Variants in CYTH4 observed in about 807,000 individuals in gnomAD.
CYTH4 encodes the protein cytohesin 4, also known as cytohesin-4.
CYTH4 carries 22 observed loss-of-function variants against 57.5 expected under a neutral mutation model. The ratio of observed to expected loss-of-function variants is 0.38; its 90% CI spans 0.27 to 0.55. The LOEUF is 0.55. CYTH4 is among the 20% of genes least tolerant of loss of function. The pLI is 0.74. For missense variants in CYTH4, 420 were observed against 535.6 expected (o/e 0.78, Z 2.13); for synonymous variants, 186 against 206.5 (o/e 0.90, Z 0.85).
At chr22:37,294,498 C>T (rs1434438788) in intron 2 of CYTH4, among the ~76,000 whole-genome samples, 162 bp from the exon 3 acceptor site, 1 of 151,980 alleles carries the variant, frequency 6.6e-6, no homozygotes, top group Non-Finnish European at 1.5e-5. Flanking sequence ...GGGGACCTGT[C>T]CATGGAGGGT....
rs1006426304 is a variant in CYTH4 at position 37,311,285 on chromosome 22, C to A, written c.886-171C>A. On this transcript the variant is annotated intron_variant, in intron 10 of 12. Coordinates refer to ENST00000248901, the MANE Select transcript of CYTH4 (RefSeq NM_013385.5). The surrounding 1 kb of genome is among the most constrained non-coding windows in gnomAD (Gnocchi z 4.4). ...GCTTAAAGCTGGGCCTCCTAAGTTC[C>A]GGCCAGAGGTCTTCACATGCTGCTT... is the stretch of plus-strand genomic sequence containing the variant. 1.3e-4 allele frequency among the ~76,000 whole-genome samples: 20 copies of A among 152,234 alleles called. No individual in the cohort carries two copies. The highest frequency in any genetic ancestry group is 4.8e-4 in the African/African-American group (20 of 41,468).
intron 1 of CYTH4, among the ~76,000 whole-genome samples, chr22:37,283,352 AG>A (rs957865361): frequency 2.0e-5 from 3 of 152,174 alleles, no homozygotes; most frequent in Non-Finnish European, 4.4e-5. Flanking sequence ...GGCCCGGTAG[AG>A]GGGCCAAGTT....
At chr22:37,292,386 A>C in intron 1 of CYTH4, 1 of 513,984 alleles carries the variant, frequency 1.9e-6, no homozygotes. Context: ...GCAAGGAAAC[A>C]GGATCCTTTT....
rs1014845911 is a variant in CYTH4 at position 37,292,852 on chromosome 22, G to A, written c.102+149G>A. 6 of 718,164 alleles carry A rather than the reference G, an allele frequency of 8.4e-6. No homozygotes were observed. In the East Asian group the frequency reaches 1.8e-4, roughly 21 times the overall value. The allele number at this position is 718,164 out of a possible 1,614,324, so 44.5% of individuals were successfully genotyped here. ...CCTCGGCCCCAGCCCCAGGAGCAGG[G>A]AGAACAACAAGACTGCAGACACCCC... On this transcript the variant is annotated intron_variant, in intron 2 of 12. Coordinates refer to ENST00000248901, the MANE Select transcript of CYTH4 (RefSeq NM_013385.5).
intron 2 of CYTH4, among the ~76,000 whole-genome samples, chr22:37,293,475 C>T (rs1231833406): frequency 6.6e-6 from 1 of 152,250 alleles, no homozygotes; most frequent in African/African-American, 2.4e-5. Context: ...CATCCCCAGC[C>T]CGCTGGGTGC....
chr22:37,309,191 C>T (rs1231640041), intron 8 of CYTH4, 21 bp from the exon 9 acceptor site: 2 of 1,611,916 alleles, frequency 1.2e-6, no homozygotes, highest in Non-Finnish European at 1.7e-6. Flanking sequence ...CCAGGTCTTT[C>T]TCTCCCTTGT....
At chr22:37,312,310 C>T in intron 12 of CYTH4, 136 bp downstream of exon 12, 1 of 1,255,126 alleles carries the variant, frequency 8.0e-7, no homozygotes, top group Non-Finnish European at 1.1e-6. Context: ...AAACCCCTTC[C>T]ACCCGTATTC....
chr22:37,302,732 A>G (rs1929226164), intron 7 of CYTH4, among the ~76,000 whole-genome samples: 1 of 152,164 alleles, frequency 6.6e-6, no homozygotes, highest in Non-Finnish European at 1.5e-5. Flanking sequence ...CTCCCTCCCC[A>G]GCCATCAGCC....
chr22:37,311,589 G>C lies in CYTH4; in HGVS notation c.957+62G>C. The C allele has an allele frequency of 4.6e-6, 7 of 1,527,800 alleles. No homozygotes were observed. The highest frequency in any genetic ancestry group is 6.3e-6 in the Non-Finnish European group (7 of 1,104,782). The allele number at this position is 1,527,800 out of a possible 1,614,324, so 94.6% of individuals were successfully genotyped here. A position where few individuals can be genotyped will look rare whatever the true frequency, so the allele number is the denominator to read the frequency against. On this transcript the variant is annotated intron_variant, in intron 11 of 12. Coordinates refer to ENST00000248901, the MANE Select transcript of CYTH4 (RefSeq NM_013385.5). This position sits in a 1 kb window ranked among gnomAD's most constrained non-coding sequence, Gnocchi z 4.4. ...CACTGGGAAATTTCCTAAACAGAAC[G>C]TGGGGAGAGGGCCTGAGGCTGGGCT...
chr22:37,287,800 G>C (rs1317665569), intron 1 of CYTH4, among the ~76,000 whole-genome samples: 1 of 152,234 alleles, frequency 6.6e-6, no homozygotes, highest in African/African-American at 2.4e-5. Flanking sequence ...CTAAGCCTCA[G>C]TGTCTCAAAC....
At chr22:37,302,867 GTTC>G (rs1232588660) in intron 7 of CYTH4, among the ~76,000 whole-genome samples, 1 of 152,164 alleles carries the variant, frequency 6.6e-6, no homozygotes, top group Non-Finnish European at 1.5e-5. Context: ...AACAATGAGT[GTTC>G]TTCTCCGAGT....
chr22:37,285,734 A>C lies in CYTH4; in HGVS notation c.19+3146A>C, dbSNP rs546652957. On this transcript the variant is annotated intron_variant, in intron 1 of 12. Transcript: ENST00000248901. ...TCAAACAAACAAACAAACAAACAAA[A>C]AAACATATCCCATGAGCCTACACCG... Among the ~76,000 whole-genome samples the C allele has an allele frequency of 1.9e-4, 29 of 150,844 alleles. 1 individual carries two copies. Among genetic ancestry groups the C allele is most frequent in the Admixed American group, 9.8e-4 (15 of 15,252 alleles).
intron 4 of CYTH4, among the ~76,000 whole-genome samples, chr22:37,297,158 A>G (rs1929004393): frequency 1.3e-5 from 2 of 152,180 alleles, no homozygotes; most frequent in Admixed American, 1.3e-4. Context: ...TACAATAGAC[A>G]TAGATTACTT....
At position 37,314,315 on chromosome 22, in the gene CYTH4, C is replaced by T. The variant is rs1409765080; in HGVS notation, c.*804C>T. 1 of 398,624 alleles carries T rather than the reference C, an allele frequency of 2.5e-6. No homozygotes were observed. The highest frequency in any genetic ancestry group is 4.4e-5 in the Admixed American group (1 of 22,724). 24.7% of individuals were successfully genotyped at this position (398,624 alleles called of 1,614,324 possible). A position where few individuals can be genotyped will look rare whatever the true frequency, so the allele number is the denominator to read the frequency against. ...GCTGGGGAGAGAAAAGCAGTATAGA[C>T]TCCACCTTCCAGGATGTCCATTTCG... is the stretch of plus-strand genomic sequence containing the variant. On this transcript the variant is annotated 3_prime_UTR_variant, in exon 13 of 13. Transcript: ENST00000248901.
Position 37,295,884 on chromosome 22 carries a change from A to T in CYTH4, c.168-115A>T. 9.1e-7 allele frequency: 1 copy of T among 1,102,232 alleles called. No homozygotes were observed. The highest frequency in any genetic ancestry group is 2.6e-5 in the East Asian group (1 of 38,574). The allele number at this position is 1,102,232 out of a possible 1,614,324, so 68.3% of individuals were successfully genotyped here. Reference sequence around the variant, plus strand: ...GGTTCCCATGCAGGACCCGGAGGCCACACTTGGAGGGCCCTAGAGGGGTAT... The same window carrying T: ...GGTTCCCATGCAGGACCCGGAGGCCTCACTTGGAGGGCCCTAGAGGGGTAT... On this transcript the variant is annotated intron_variant, in intron 3 of 12. Coordinates refer to ENST00000248901, the MANE Select transcript of CYTH4 (RefSeq NM_013385.5). This position sits in a 1 kb window ranked among gnomAD's most constrained non-coding sequence, Gnocchi z 4.1.
At position 37,304,173 on chromosome 22, in the gene CYTH4, T is replaced by A. The variant is rs1308254325; in HGVS notation, c.696+771T>A. On this transcript the variant is annotated intron_variant, in intron 8 of 12. Transcript: ENST00000248901. ...TGACTTCTGAACTGGGCCTTGAAGG[T>A]TACATGGGAGTGCTCCCAGAGGAGA... is the stretch of plus-strand genomic sequence containing the variant. The A allele has an allele frequency of 1.5e-5, 7 of 456,650 alleles. No individual in the cohort carries two copies. The Admixed American group carries it at 1.6e-4, about 11-fold the overall frequency. The allele number at this position is 456,650 out of a possible 1,614,324, so 28.3% of individuals were successfully genotyped here.
chr22:37,311,382 C>A lies in CYTH4; in HGVS notation c.886-74C>A. 1 of 1,340,614 alleles carries A rather than the reference C, an allele frequency of 7.5e-7. No individual in the cohort carries two copies. Among genetic ancestry groups the A allele is most frequent in the Non-Finnish European group, 1.1e-6 (1 of 934,316 alleles). 83.0% of individuals were successfully genotyped at this position (1,340,614 alleles called of 1,614,324 possible). On this transcript the variant is annotated intron_variant, in intron 10 of 12. Transcript: ENST00000248901. This position sits in a 1 kb window ranked among gnomAD's most constrained non-coding sequence, Gnocchi z 4.4. The stretch of plus-strand genomic sequence containing the variant: ...GCTCCTCTTTGAGTTTGGGGAACCC[C>A]ACACGTTCACACCCTGCCTTGGGCC...
Position 37,311,177 on chromosome 22 carries a change from C to A in CYTH4, c.885+113C>A. ...CAGCTTTGGATCCTTTGAGATCATT[C>A]AGTCCCCCTCCATGCCCATTTTACA... On this transcript the variant is annotated intron_variant, in intron 10 of 12. Transcript: ENST00000248901. The surrounding 1 kb of genome is among the most constrained non-coding windows in gnomAD (Gnocchi z 4.4). The A allele has an allele frequency of 8.2e-7, 1 of 1,220,116 alleles. No individual in the cohort carries two copies. Among genetic ancestry groups the A allele is most frequent in the South Asian group, 1.3e-5 (1 of 77,688 alleles). 75.6% of individuals were successfully genotyped at this position (1,220,116 alleles called of 1,614,324 possible). A position where few individuals can be genotyped will look rare whatever the true frequency, so the allele number is the denominator to read the frequency against.
intron 9 of CYTH4, 71 bp downstream of exon 9, chr22:37,309,394 C>G: frequency 7.5e-7 from 1 of 1,332,954 alleles, no homozygotes; most frequent in South Asian, 1.2e-5. Flanking sequence ...GTTGCATGCA[C>G]ACTCCTGGAC....
Sources: gnomAD v4.1 joint callset for allele counts (sites outside exome capture counted in the v4.1 genomes callset) on GRCh38, gnomAD v4.1.1 for gene constraint, Gnocchi (gnomAD v3.1) non-coding constraint, MANE v1.5 for transcripts, NCBI Gene and HGNC (gene_info 2026-07-23, HGNC 2026-07-21) for gene names.